The following LRP5 variants were observed in gnomAD, a reference collection of about 807,000 sequenced individuals.
The protein encoded by LRP5 is LDL receptor related protein 5.
In LRP5, 62 loss-of-function variants were observed where a neutral mutation model predicts 154.1. The observed-to-expected ratio is 0.40, with a 90% CI of 0.33 to 0.50. LRP5 has a LOEUF of 0.50. LRP5 is among the 20% of genes least tolerant of loss of function. The probability of loss-of-function intolerance (pLI) is 0.55; values close to 1 mark genes in which losing one functional copy is unlikely to be tolerated. For missense variants in LRP5, 1,915 were observed against 2,336.7 expected (o/e 0.82, Z 3.72); for synonymous variants, 966 against 1,011.5 (o/e 0.96, Z 0.85).
chr11:68,349,027 C>CTTTTTT (rs368502197), intron 2 of LRP5, among the ~76,000 whole-genome samples: 2 of 123,584 alleles, frequency 1.6e-5, no homozygotes, highest in Admixed American at 9.3e-5. Context: ...AGTTATGTTC[C>CTTTTTT]TTTTTTTTTT....
rs375111423 is a variant in LRP5, at chr11:68,410,525, C to T, written c.2318+385C>T. Among the ~76,000 whole-genome samples the T allele has an allele frequency of 9.9e-4, 151 of 152,338 alleles. 3 individuals carry two copies. The South Asian group carries it at 0.029, about 29-fold the overall frequency. ...CTGGGCCAGGAAGTGCTGTCTCAGG[C>T]TCCTGACCAGGTCTCCTTGCTTTGC... On this transcript the variant is annotated intron_variant, in intron 10 of 22. Transcript: ENST00000294304.
intron 1 of LRP5, among the ~76,000 whole-genome samples, chr11:68,328,507 C>G (rs376677386): frequency 6.6e-6 from 1 of 152,200 alleles, no homozygotes; most frequent in Admixed American, 6.5e-5. Context: ...ACAGGGGAAA[C>G]GGCCGCTTCC....
At chr11:68,325,962 C>G (rs1158805797) in intron 1 of LRP5, among the ~76,000 whole-genome samples, 7 of 152,204 alleles carry the variant, frequency 4.6e-5, no homozygotes, top group African/African-American at 1.7e-4. Context: ...GTGACGACCC[C>G]CCGGGGACTC....
chr11:68,305,179 C>A, the LRP5 span, among the ~76,000 whole-genome samples: 1 of 151,996 alleles, frequency 6.6e-6, no homozygotes, highest in Non-Finnish European at 1.5e-5. Flanking sequence ...GCAGACCCCT[C>A]GTGGCTTGGT....
At chr11:68,359,313 T>C (rs1186048232) in intron 3 of LRP5, among the ~76,000 whole-genome samples, 4 of 152,220 alleles carry the variant, frequency 2.6e-5, no homozygotes, top group Admixed American at 1.3e-4. Context: ...GTTCCTCTTA[T>C]GCTGAGCCAC....
At chr11:68,327,616 A>T (rs1347415840) in intron 1 of LRP5, among the ~76,000 whole-genome samples, 7 of 152,162 alleles carry the variant, frequency 4.6e-5, no homozygotes, top group African/African-American at 7.2e-5. Context: ...CAGTCTCCCC[A>T]TCTGTAAAAT....
intron 1 of LRP5, among the ~76,000 whole-genome samples, chr11:68,345,881 C>T (rs922782272): frequency 3.3e-5 from 5 of 152,058 alleles, no homozygotes; most frequent in Non-Finnish European, 5.9e-5. Flanking sequence ...AAGATGGTAT[C>T]TTATTGTAGT....
chr11:68,383,690 G>A (rs1436074750), intron 5 of LRP5, among the ~76,000 whole-genome samples: 1 of 152,254 alleles, frequency 6.6e-6, no homozygotes, highest in Non-Finnish European at 1.5e-5. Context: ...AGAGCAGGGG[G>A]CTTGTGCCAG....
rs1332962395 is a variant in LRP5 at position 68,409,264 on chromosome 11, AAT to A, written c.2092-646_2092-645del. On this transcript the variant is annotated intron_variant, in intron 9 of 22. Coordinates refer to ENST00000294304, the MANE Select transcript of LRP5 (RefSeq NM_002335.4). Reference sequence around the variant, plus strand: ...TTATATAATATATAATAAAATATATAATATAAAAATATATATTTATAAATAAT... The same window carrying A: ...TTATATAATATATAATAAAATATATAATAAAAATATATATTTATAAATAAT... 3.5e-5 allele frequency among the ~76,000 whole-genome samples: 5 copies of A among 141,610 alleles called. No individual in the cohort carries two copies. In the South Asian group the frequency reaches 1.1e-3, roughly 30 times the overall value. 92.9% of individuals were successfully genotyped at this position (141,610 alleles called of 152,430 possible).
intron 1 of LRP5, among the ~76,000 whole-genome samples, chr11:68,336,617 C>T (rs535816976): frequency 2.6e-5 from 4 of 152,224 alleles, no homozygotes; most frequent in East Asian, 1.9e-4. Context: ...TACAGGCATG[C>T]ACCACCACAT....
chr11:68,306,856 C>T, the LRP5 span, among the ~76,000 whole-genome samples: 18 of 152,186 alleles, frequency 1.2e-4, no homozygotes, highest in Non-Finnish European at 2.2e-4. Context: ...GCTGCAGAAA[C>T]GGATGGACGA....
At chr11:68,327,603 G>C (rs1327154730) in intron 1 of LRP5, among the ~76,000 whole-genome samples, 12 of 152,130 alleles carry the variant, frequency 7.9e-5, no homozygotes, top group Non-Finnish European at 1.5e-4. Context: ...GTCCCCTTGT[G>C]CCCAGTCTCC....
At chr11:68,428,181 G>T (rs1008581135) in intron 16 of LRP5, among the ~76,000 whole-genome samples, 8 of 151,722 alleles carry the variant, frequency 5.3e-5, no homozygotes, top group African/African-American at 9.7e-5. Context: ...TTTTAGTAGA[G>T]ACGGGTTTTC....
At position 68,403,602 on chromosome 11, in the gene LRP5, C is replaced by T. The variant is rs200627198; in HGVS notation, c.1704C>T (p.Ile568=). Residue 568 remains isoleucine, a synonymous_variant, in exon 8 of 23, where the codon ATC becomes ATT. Transcript: ENST00000294304. ...GGACTGACTGGCAGCGCCGCAGCAT[C>T]GAGCGGGTGCACAAGGTCAAGGCCA... The part of the protein sequence containing the change: ...IYWTDWQRRS[I]ERVHKVKASR... The T allele has an allele frequency of 6.8e-6, 11 of 1,614,178 alleles. No homozygotes were observed. Among genetic ancestry groups the T allele is most frequent in the Admixed American group, 6.7e-5 (4 of 60,026 alleles).
intron 6 of LRP5, among the ~76,000 whole-genome samples, chr11:68,387,420 A>G (rs1591262959): frequency 1.3e-5 from 2 of 152,312 alleles, no homozygotes; most frequent in South Asian, 4.1e-4. Flanking sequence ...CGGTCAGGCC[A>G]GGCCTCTTTT....
chr11:68,312,862 GC>G, intron 1 of LRP5, 57 bp downstream of exon 1: 1 of 937,670 alleles, frequency 1.1e-6, no homozygotes, highest in Non-Finnish European at 1.3e-6. Context: ...GGCCCGGGCG[GC>G]CCCGCGGCCA....
chr11:68,406,750 G>C lies in LRP5; in HGVS notation c.2028G>C (p.Glu676Asp), dbSNP rs778147505. The C allele has an allele frequency of 9.9e-6, 16 of 1,613,996 alleles. No individual in the cohort carries two copies. The highest frequency in any genetic ancestry group is 1.2e-5 in the Non-Finnish European group (14 of 1,180,040). The change falls in exon 9 of 23, where the codon GAG becomes GAC. Residue 676 changes from glutamate to aspartate, a missense_variant. By Grantham distance (45) the Glu-to-Asp change is conservative (BLOSUM62 2). This residue lies in a region of LRP5 where 773 missense variants were observed against 1,100.9 expected (regional missense o/e 0.70). Transcript: ENST00000294304. ...DVAIPLTGVK[E>D]ASALDFDVSN... ...CCATCCCGCTCACGGGCGTCAAGGAGGCCTCAGCCCTGGACTTTGATGTGT... is the reference window on the plus strand; with the variant it reads ...CCATCCCGCTCACGGGCGTCAAGGACGCCTCAGCCCTGGACTTTGATGTGT...
chr11:68,356,548 A>G (rs2098623310), intron 2 of LRP5, among the ~76,000 whole-genome samples: 1 of 152,222 alleles, frequency 6.6e-6, no homozygotes, highest in Non-Finnish European at 1.5e-5. Flanking sequence ...TCACACCCAC[A>G]CAGCCTTCCC....
intron 13 of LRP5, among the ~76,000 whole-genome samples, chr11:68,419,571 A>C (rs1591305110): frequency 7.2e-6 from 1 of 138,022 alleles, no homozygotes; most frequent in Admixed American, 7.5e-5. Context: ...ATGGAGTCTC[A>C]CTCTATCGCC....
Sources: allele counts gnomAD v4.1 joint callset (sites outside exome capture counted in the v4.1 genomes callset), GRCh38; gene constraint gnomAD v4.1.1; regional missense constraint gnomAD v4.1.1; transcripts MANE v1.5; gene names NCBI Gene and HGNC (gene_info 2026-07-23, HGNC 2026-07-21).